Variants in LIMK2 observed in about 807,000 individuals in gnomAD.
LIMK2 encodes LIM domain kinase 2.
Under a neutral mutation model 75.7 loss-of-function variants are expected in LIMK2, and 35 were observed. The observed-to-expected ratio is 0.46, with a 90% confidence interval of 0.35 to 0.61. The LOEUF (loss-of-function observed/expected upper bound fraction) is 0.61. Among genes scored for constraint, LIMK2 ranks in the 20% least tolerant of loss-of-function variants. LIMK2 has a pLI of 0.00. For missense variants in LIMK2, 623 were observed against 831.0 expected (o/e 0.75, Z 3.08); for synonymous variants, 301 against 319.2 (o/e 0.94, Z 0.61).
chr22:31,262,280 G>A lies in LIMK2; in HGVS notation c.657+41G>A, dbSNP rs767272954. The A allele has an allele frequency of 1.4e-6, 2 of 1,454,726 alleles. No individual in the cohort carries two copies. The allele number at this position is 1,454,726 out of a possible 1,614,324, so 90.1% of individuals were successfully genotyped here. A position where few individuals can be genotyped will look rare whatever the true frequency, so the allele number is the denominator to read the frequency against. Reference sequence around the variant, plus strand: ...AATCTGTCTTGTGAGGGTGGGACATGGAACAGATCCTCTGAGAAATCAGGC... The same window carrying A: ...AATCTGTCTTGTGAGGGTGGGACATAGAACAGATCCTCTGAGAAATCAGGC... On this transcript the variant is annotated intron_variant, in intron 6 of 15. Transcript: ENST00000331728. This position sits in a 1 kb window ranked among gnomAD's most constrained non-coding sequence, Gnocchi z 5.0.
intron 1 of LIMK2, among the ~76,000 whole-genome samples, chr22:31,225,019 G>A (rs931111486): frequency 6.6e-6 from 1 of 152,210 alleles, no homozygotes; most frequent in Non-Finnish European, 1.5e-5. Flanking sequence ...GAACCCTATT[G>A]TGAACTGCAC....
chr22:31,271,037 G>A (rs1025084002), intron 11 of LIMK2, 99 bp from the exon 12 acceptor site: 79 of 1,068,890 alleles, frequency 7.4e-5, no homozygotes, highest in Middle Eastern at 2.0e-4. Context: ...AAGCTGGGTG[G>A]GCATGGCCTG....
intron 5 of LIMK2, among the ~76,000 whole-genome samples, chr22:31,260,535 C>T (rs1383106207): frequency 7.9e-5 from 12 of 152,042 alleles, no homozygotes; most frequent in Admixed American, 7.9e-4. Context: ...GGTCCATGGC[C>T]CAAAAGAAGT....
At chr22:31,273,810 G>A (rs1264611830) in intron 14 of LIMK2, among the ~76,000 whole-genome samples, 2 of 152,048 alleles carry the variant, frequency 1.3e-5, no homozygotes, top group Non-Finnish European at 2.9e-5. Flanking sequence ...TGATTCTCCT[G>A]CCTCAGCCTC....
At chr22:31,259,284 A>T in intron 4 of LIMK2, 54 bp downstream of exon 4, 1 of 1,149,852 alleles carries the variant, frequency 8.7e-7, no homozygotes, top group East Asian at 2.4e-5. Flanking sequence ...GCTGGCGGGG[A>T]GGGACAGTGG....
intron 7 of LIMK2, among the ~76,000 whole-genome samples, chr22:31,263,959 C>A (rs948861550): frequency 2.6e-5 from 4 of 152,240 alleles, no homozygotes; most frequent in Non-Finnish European, 4.4e-5. Flanking sequence ...CACTGTACTA[C>A]AGCTTGGGCA....
chr22:31,250,648 T>C (rs182914381), intron 2 of LIMK2, among the ~76,000 whole-genome samples: 13 of 152,144 alleles, frequency 8.5e-5, no homozygotes, highest in Admixed American at 2.0e-4. Context: ...CAGGGCTCTT[T>C]CCCCCCAGGG....
At chr22:31,277,127 C>A (rs756592388) in intron 15 of LIMK2, 4 of 1,613,774 alleles carry the variant, frequency 2.5e-6, no homozygotes, top group East Asian at 2.2e-5. Flanking sequence ...CTGAGCACAC[C>A]CCAGAAGAAG....
intron 2 of LIMK2, among the ~76,000 whole-genome samples, chr22:31,241,870 A>G (rs1201541276): frequency 6.6e-6 from 1 of 152,202 alleles, no homozygotes; most frequent in African/African-American, 2.4e-5. Flanking sequence ...CTTGAGGAAT[A>G]TAGCACAAGC....
rs2048845595 is a variant in LIMK2 at position 31,262,058 on chromosome 22, C to T, written c.552-76C>T. 3 of 1,240,156 alleles carry T rather than the reference C, an allele frequency of 2.4e-6. No individual in the cohort carries two copies. The highest frequency in any genetic ancestry group is 1.7e-5 in the Admixed American group (1 of 59,052). The allele number at this position is 1,240,156 out of a possible 1,614,324, so 76.8% of individuals were successfully genotyped here. ...ACTGGTGGCCTGGGACCTGGTAAACCTTCCCTGCACAAGCAGAATTGGTCA... is the reference window on the plus strand; with the variant it reads ...ACTGGTGGCCTGGGACCTGGTAAACTTTCCCTGCACAAGCAGAATTGGTCA... On this transcript the variant is annotated intron_variant, in intron 5 of 15. Coordinates refer to ENST00000331728, the MANE Select transcript of LIMK2 (RefSeq NM_005569.4). The surrounding 1 kb of genome is among the most constrained non-coding windows in gnomAD (Gnocchi z 5.0).
At position 31,272,624 on chromosome 22, in the gene LIMK2, G is replaced by A. The variant is rs946756010; in HGVS notation, c.1478G>A (p.Arg493His). 12 of 1,613,830 alleles carry A rather than the reference G, an allele frequency of 7.4e-6. No individual in the cohort carries two copies. Among genetic ancestry groups the A allele is most frequent in the Non-Finnish European group, 6.8e-6 (8 of 1,179,976 alleles). Residue 493 changes from arginine to histidine, a missense_variant, in exon 13 of 16, where the codon CGC becomes CAC. Physicochemically the swap from Arg to His is conservative, Grantham distance 29. Coordinates refer to ENST00000331728, the MANE Select transcript of LIMK2 (RefSeq NM_005569.4). ...ATGGAGAAGGCCACCACCAAGAAAC[G>A]CACCTTGCGCAAGAACGACCGCAAG... ...APMEKATTKK[R>H]TLRKNDRKKR...
At chr22:31,233,202 C>A (rs2048543641) in intron 2 of LIMK2, among the ~76,000 whole-genome samples, 1 of 152,210 alleles carries the variant, frequency 6.6e-6, no homozygotes, top group African/African-American at 2.4e-5. Context: ...GCTGCTTAAC[C>A]ATTCTTTGCC....
chr22:31,258,435 A>C lies in LIMK2; in HGVS notation c.252+9A>C. ...TGACAGGGCCTTTTATGGTGAGTGAATCCCTTCATATCTGCCCCTCTTGGT... is the reference window on the plus strand; with the variant it reads ...TGACAGGGCCTTTTATGGTGAGTGACTCCCTTCATATCTGCCCCTCTTGGT... On this transcript the variant is annotated intron_variant, in intron 3 of 15. Transcript: ENST00000331728. The C allele has an allele frequency of 6.2e-7, 1 of 1,613,850 alleles. No individual in the cohort carries two copies. The highest frequency in any genetic ancestry group is 8.5e-7 in the Non-Finnish European group (1 of 1,179,830).
intron 15 of LIMK2, chr22:31,277,017 T>C (rs147641710): frequency 1.9e-5 from 31 of 1,613,842 alleles, no homozygotes; most frequent in Non-Finnish European, 2.5e-5. Flanking sequence ...AGAGTGACGA[T>C]GCCTGGGCTT....
At chr22:31,247,415 C>G (rs1221123645) in intron 2 of LIMK2, among the ~76,000 whole-genome samples, 1 of 152,084 alleles carries the variant, frequency 6.6e-6, no homozygotes, top group African/African-American at 2.4e-5. Flanking sequence ...CCCCATTTTT[C>G]AGTTTGAAAA....
chr22:31,274,258 ACCTTTAGG>A (rs1291053561), intron 14 of LIMK2, among the ~76,000 whole-genome samples: 4 of 152,124 alleles, frequency 2.6e-5, no homozygotes, highest in Non-Finnish European at 5.9e-5. Flanking sequence ...AAAGATTCCT[ACCTTTAGG>A]AGTTTAGTCA....
intron 2 of LIMK2, among the ~76,000 whole-genome samples, chr22:31,227,483 C>T (rs1261269984): frequency 2.0e-5 from 3 of 152,254 alleles, no homozygotes; most frequent in Non-Finnish European, 4.4e-5. Context: ...TTCCTTTCAG[C>T]TATAACTCAG....
Position 31,262,304 on chromosome 22 carries a change from G to A in LIMK2, c.657+65G>A. 7.7e-7 allele frequency: 1 copy of A among 1,290,744 alleles called. No homozygotes were observed. Among genetic ancestry groups the A allele is most frequent in the Non-Finnish European group, 1.1e-6 (1 of 886,028 alleles). 80.0% of individuals were successfully genotyped at this position (1,290,744 alleles called of 1,614,324 possible). On this transcript the variant is annotated intron_variant, in intron 6 of 15. Transcript: ENST00000331728. This position sits in a 1 kb window ranked among gnomAD's most constrained non-coding sequence, Gnocchi z 5.0. ...TGGAACAGATCCTCTGAGAAATCAG[G>A]CTGTAGCCTTTACCTTTTCCTACCC...
intron 1 of LIMK2, among the ~76,000 whole-genome samples, chr22:31,215,277 C>T (rs1358112037): frequency 6.6e-6 from 1 of 152,240 alleles, no homozygotes; most frequent in African/African-American, 2.4e-5. Flanking sequence ...GGGACTTAAA[C>T]TTTCACTTGT....
Sources: allele counts gnomAD v4.1 joint callset (sites outside exome capture counted in the v4.1 genomes callset), GRCh38; gene constraint gnomAD v4.1.1; non-coding constraint Gnocchi (gnomAD v3.1); transcripts MANE v1.5; gene names NCBI Gene and HGNC (gene_info 2026-07-23, HGNC 2026-07-21).